The following TENM2 variants were observed in gnomAD, a reference collection of about 807,000 sequenced individuals.
The protein encoded by TENM2 is teneurin-2.
Under a neutral mutation model 245.2 loss-of-function variants are expected in TENM2, and 52 were observed. That is an observed-to-expected ratio of 0.21 (90% CI 0.17 to 0.27). The LOEUF (loss-of-function observed/expected upper bound fraction) is 0.27. Among genes scored for constraint, TENM2 ranks in the 10% least tolerant of loss-of-function variants. TENM2 has a pLI of 1.00. For synonymous variants in TENM2, 1,363 were observed against 1,438.9 expected, an observed-to-expected ratio of 0.95 and a Z score of 1.19; for missense variants, 3,046 against 3,666.8, an observed-to-expected ratio of 0.83 and a Z score of 4.37.
chr5:167,147,701 G>A, the TENM2 span, among the ~76,000 whole-genome samples: 2 of 152,078 alleles, frequency 1.3e-5, no homozygotes, highest in African/African-American at 4.8e-5. Context: ...TTCTGGTATT[G>A]TACTAGGTGC....
chr5:167,993,404 G>A (rs929046059), intron 5 of TENM2, among the ~76,000 whole-genome samples: 2 of 152,188 alleles, frequency 1.3e-5, no homozygotes, highest in Non-Finnish European at 2.9e-5. Flanking sequence ...TCCATCAGAA[G>A]GGAAATTAAG....
chr5:167,925,913 T>C (rs1777722526), intron 3 of TENM2, among the ~76,000 whole-genome samples: 2 of 152,146 alleles, frequency 1.3e-5, no homozygotes, highest in Non-Finnish European at 2.9e-5. Context: ...TAAGAACTTA[T>C]GAACACAACG....
At chr5:166,980,009 G>A in the TENM2 span, among the ~76,000 whole-genome samples, 1 of 152,138 alleles carries the variant, frequency 6.6e-6, no homozygotes, top group Admixed American at 6.5e-5. Flanking sequence ...GTACATGCTG[G>A]CTAAAATATT....
intron 2 of TENM2, among the ~76,000 whole-genome samples, chr5:167,640,916 AAGCTTAGTGGTTC>A (rs1779571050): frequency 4.0e-5 from 3 of 74,834 alleles, no homozygotes; most frequent in Admixed American, 1.9e-4. Context: ...TCTTTCTCTT[AAGCTTAGTGGTTC>A]TCAAAGAGTG....
the TENM2 span, among the ~76,000 whole-genome samples, chr5:167,129,920 G>C: frequency 6.6e-6 from 1 of 152,150 alleles, no homozygotes; most frequent in Non-Finnish European, 1.5e-5. Flanking sequence ...TGTAGCTGGA[G>C]TTCATAAAAG....
the TENM2 span, among the ~76,000 whole-genome samples, chr5:167,123,143 C>CAAA: frequency 4.9e-5 from 5 of 102,858 alleles, no homozygotes; most frequent in African/African-American, 1.7e-4. Flanking sequence ...ACTAAAAATA[C>CAAA]AAAAAAAAAA....
chr5:167,167,356 G>T, the TENM2 span, among the ~76,000 whole-genome samples: 5 of 152,286 alleles, frequency 3.3e-5, no homozygotes, highest in East Asian at 9.7e-4. Context: ...GCTCTGTGTT[G>T]TTTCTAAACT....
chr5:167,922,038 G>A (rs942803996), intron 3 of TENM2, among the ~76,000 whole-genome samples: 1 of 152,146 alleles, frequency 6.6e-6, no homozygotes, highest in Non-Finnish European at 1.5e-5. Flanking sequence ...CATATTGGAG[G>A]GAAATGTTGA....
chr5:168,143,172 T>C (rs1198414453), intron 12 of TENM2, among the ~76,000 whole-genome samples: 1 of 152,092 alleles, frequency 6.6e-6, no homozygotes, highest in African/African-American at 2.4e-5. Flanking sequence ...AAGGGATTTT[T>C]TGGCCTGTGA....
At chr5:167,991,117 A>G (rs1783632037) in intron 4 of TENM2, among the ~76,000 whole-genome samples, 1 of 152,218 alleles carries the variant, frequency 6.6e-6, no homozygotes, top group Admixed American at 6.5e-5. Context: ...TGGTGGGATT[A>G]ATGTGAGGTT....
At chr5:167,875,540 T>C (rs116167945) in intron 2 of TENM2, among the ~76,000 whole-genome samples, 2,424 of 152,252 alleles carry the variant, frequency 0.016, 59 homozygotes, top group African/African-American at 0.054. Context: ...GGGCGAATGA[T>C]ACAATCTGAT....
intron 3 of TENM2, among the ~76,000 whole-genome samples, chr5:167,937,554 G>A (rs946712488): frequency 2.1e-4 from 32 of 152,094 alleles, no homozygotes; most frequent in African/African-American, 7.5e-4. Context: ...TGTATTTCTA[G>A]CGTGATACTG....
intron 2 of TENM2, among the ~76,000 whole-genome samples, chr5:167,708,660 C>G (rs2150474187): frequency 6.6e-6 from 1 of 152,234 alleles, no homozygotes; most frequent in Non-Finnish European, 1.5e-5. Flanking sequence ...GAGCCTGAGT[C>G]CCTGAATGAC....
the TENM2 span, among the ~76,000 whole-genome samples, chr5:167,217,713 GATATAT>G: frequency 2.5e-4 from 35 of 141,194 alleles, no homozygotes; most frequent in East Asian, 4.5e-3. Context: ...TGTAATGAGT[GATATAT>G]ATATATATAT....
chr5:168,174,251 A>C (rs1759129055), intron 13 of TENM2, among the ~76,000 whole-genome samples: 2 of 152,064 alleles, frequency 1.3e-5, no homozygotes, highest in Non-Finnish European at 1.5e-5. Flanking sequence ...TCTTTCTCCC[A>C]GGGAGGGGAG....
chr5:167,134,727 A>G, the TENM2 span, among the ~76,000 whole-genome samples: 13 of 152,296 alleles, frequency 8.5e-5, no homozygotes, highest in South Asian at 2.3e-3. Context: ...CGTTGGACAG[A>G]GCCATTACCA....
intron 1 of TENM2, among the ~76,000 whole-genome samples, chr5:167,321,819 G>GGGGGGGGGGT (rs1756761079): frequency 1.3e-5 from 1 of 78,972 alleles, no homozygotes; most frequent in Non-Finnish European, 2.7e-5. Flanking sequence ...GGGGCGGGGG[G>GGGGGGGGGGT]GGGGGTGGAT....
chr5:167,686,779 A>G (rs1207356785), intron 2 of TENM2, among the ~76,000 whole-genome samples: 1 of 152,104 alleles, frequency 6.6e-6, no homozygotes, highest in Admixed American at 6.5e-5. Flanking sequence ...TGAATATGGA[A>G]CCTCAAGAAA....
At chr5:168,251,836 AG>A (rs1225492399) in intron 27 of TENM2, among the ~76,000 whole-genome samples, 1 of 152,238 alleles carries the variant, frequency 6.6e-6, no homozygotes, top group Non-Finnish European at 1.5e-5. Flanking sequence ...AAGCCAGAGA[AG>A]GGTCTATTTG....
Sources: allele counts gnomAD v4.1 joint callset (sites outside exome capture counted in the v4.1 genomes callset), GRCh38; gene constraint gnomAD v4.1.1; transcripts MANE v1.5; gene names NCBI Gene and HGNC (gene_info 2026-07-23, HGNC 2026-07-21).